The following SAMD4A variants were observed in gnomAD, a reference collection of about 807,000 sequenced individuals.
SAMD4A encodes sterile alpha motif domain containing 4A, also known as protein Smaug homolog 1.
Under a neutral mutation model 81.3 loss-of-function variants are expected in SAMD4A, and 33 were observed. The observed-to-expected ratio is 0.41, with a 90% CI of 0.31 to 0.54. The LOEUF (loss-of-function observed/expected upper bound fraction) is 0.54, where lower values mean the gene tolerates loss of function less well. Among genes scored for constraint, SAMD4A ranks in the 20% least tolerant of loss-of-function variants. The pLI is 0.37. For missense variants in SAMD4A, 854 were observed against 951.1 expected, an observed-to-expected ratio of 0.90 and a Z score of 1.34; for synonymous variants, 389 against 382.1, an observed-to-expected ratio of 1.02 and a Z score of -0.21.
intron 3 of SAMD4A, among the ~76,000 whole-genome samples, chr14:54,736,259 G>A (rs2037688496): frequency 1.3e-5 from 2 of 152,172 alleles, no homozygotes; most frequent in Admixed American, 1.3e-4. Context: ...TGTGTAGAAG[G>A]GCTGAACATG....
intron 2 of SAMD4A, among the ~76,000 whole-genome samples, chr14:54,618,565 G>A (rs1443605484): frequency 6.6e-6 from 1 of 152,134 alleles, no homozygotes; most frequent in South Asian, 2.1e-4. Flanking sequence ...ATCAACTGAA[G>A]AATTTAAGTC....
chr14:54,699,639 T>G (rs2036662678), intron 2 of SAMD4A, among the ~76,000 whole-genome samples: 1 of 152,220 alleles, frequency 6.6e-6, no homozygotes, highest in African/African-American at 2.4e-5. Context: ...GATAATTTGA[T>G]TATTTAAATA....
intron 2 of SAMD4A, among the ~76,000 whole-genome samples, chr14:54,570,303 C>G (rs937717382): frequency 1.3e-5 from 2 of 152,150 alleles, no homozygotes; most frequent in African/African-American, 4.8e-5. Context: ...GTGTGGCTCT[C>G]TGCATATCCG....
At chr14:54,675,039 C>G (rs2035960690) in intron 2 of SAMD4A, among the ~76,000 whole-genome samples, 1 of 152,126 alleles carries the variant, frequency 6.6e-6, no homozygotes, top group East Asian at 1.9e-4. Context: ...AGGTGTGAGC[C>G]ACTGTGGTTG....
rs78817751 is a variant in SAMD4A, at chr14:54,763,400, G to A, written c.1511-1055G>A. ...ATATATACTTACAATATTTCTATCA[G>A]TACAAATAGCGCCATCTCAAAGTTT... On this transcript the variant is annotated intron_variant, in intron 7 of 12. Coordinates refer to ENST00000554335, the MANE Select transcript of SAMD4A (RefSeq NM_015589.6). Among the ~76,000 whole-genome samples the A allele has an allele frequency of 3.0e-3, 451 of 152,104 alleles. 10 individuals are homozygous for A. The East Asian group carries it at 0.067, about 23-fold the overall frequency.
chr14:54,763,546 A>G (rs1012945435), intron 7 of SAMD4A, among the ~76,000 whole-genome samples: 4 of 152,182 alleles, frequency 2.6e-5, no homozygotes, highest in Admixed American at 2.6e-4. Context: ...TGTTATACTG[A>G]AAGTGTATGT....
At chr14:54,755,651 G>A (rs2038219900) in intron 6 of SAMD4A, among the ~76,000 whole-genome samples, 2 of 152,168 alleles carry the variant, frequency 1.3e-5, no homozygotes, top group African/African-American at 4.8e-5. Context: ...GATGATAGGA[G>A]TTTTAGGGGA....
intron 2 of SAMD4A, among the ~76,000 whole-genome samples, chr14:54,683,305 C>T (rs2036174135): frequency 1.3e-5 from 2 of 152,190 alleles, no homozygotes; most frequent in African/African-American, 4.8e-5. Flanking sequence ...TAGTGAGAGT[C>T]TCCCAGAAGA....
At chr14:54,734,721 G>GC (rs1302464674) in intron 3 of SAMD4A, among the ~76,000 whole-genome samples, 1 of 152,176 alleles carries the variant, frequency 6.6e-6, no homozygotes, top group Non-Finnish European at 1.5e-5. Flanking sequence ...ATGGAAAGAA[G>GC]CATATTGGCT....
At position 54,760,285 on chromosome 14, in the gene SAMD4A, C is replaced by T. The variant is rs561687825; in HGVS notation, c.1301C>T (p.Ala434Val). ...GAGGCTCGCCGCCGGGAGCCCCAGG[C>T]CCCGCGTCAGCCCTCACTGATGGGC... ...TPEARRREPQ[A>V]PRQPSLMGPE... The change falls in exon 7 of 13, where the codon GCC becomes GTC. Residue 434 changes from alanine (A) to valine (V), a missense_variant. This residue lies in a region of SAMD4A where 428 missense variants were observed against 471.2 expected (regional missense o/e 0.91). Transcript: ENST00000554335. 9 of 1,612,060 alleles carry T rather than the reference C, an allele frequency of 5.6e-6. No homozygotes were observed. Among genetic ancestry groups the T allele is most frequent in the South Asian group, 5.5e-5 (5 of 90,954 alleles).
chr14:54,775,297 T>G (rs889483213), intron 10 of SAMD4A, among the ~76,000 whole-genome samples, 162 bp downstream of exon 10: 64 of 152,212 alleles, frequency 4.2e-4, no homozygotes, highest in African/African-American at 1.5e-3. Context: ...CGCGTTGTTC[T>G]CTAGCAGACA....
Position 54,567,837 on chromosome 14 carries a change from C to A in SAMD4A, c.-80C>A. 1 of 1,448,946 alleles carries A rather than the reference C, an allele frequency of 6.9e-7. No homozygotes were observed. The highest frequency in any genetic ancestry group is 1.2e-5 in the South Asian group (1 of 81,582). The allele number at this position is 1,448,946 out of a possible 1,614,324, so 89.8% of individuals were successfully genotyped here. On this transcript the variant is annotated 5_prime_UTR_variant, in exon 2 of 13. Transcript: ENST00000554335. Reference sequence around the variant, plus strand: ...GAACGCGTCTCCGGCCGCGGGGCTGCGGCTCCGCCAAACTTTGGGGCGGGC... The same window carrying A: ...GAACGCGTCTCCGGCCGCGGGGCTGAGGCTCCGCCAAACTTTGGGGCGGGC...
At chr14:54,581,680 A>C (rs572954048) in intron 2 of SAMD4A, among the ~76,000 whole-genome samples, 2 of 152,360 alleles carry the variant, frequency 1.3e-5, no homozygotes, top group African/African-American at 4.8e-5. Flanking sequence ...ATGAGTGGTC[A>C]TGCAGCCATT....
chr14:54,593,323 T>G (rs926540262), intron 2 of SAMD4A, among the ~76,000 whole-genome samples: 6 of 152,260 alleles, frequency 3.9e-5, no homozygotes, highest in Non-Finnish European at 8.8e-5. Context: ...TGATTACTAT[T>G]AGTTTCGTAT....
In SAMD4A at chr14:54,640,295, C is replaced by T. The variant is rs1227306077; in HGVS notation, c.197-61767C>T. The stretch of plus-strand genomic sequence containing the variant: ...ATGTTTTACTCTGGGTTTGTAAATC[C>T]GTTTCATAACTGTAAAGATCTGTAG... On this transcript the variant is annotated intron_variant, in intron 2 of 12. Transcript: ENST00000554335. Among the ~76,000 whole-genome samples, 5 of 152,096 alleles carry T rather than the reference C, an allele frequency of 3.3e-5. 1 individual carries two copies. The highest frequency in any genetic ancestry group is 5.9e-5 in the Non-Finnish European group (4 of 68,024).
Position 54,634,998 on chromosome 14 carries a change from C to T in SAMD4A, c.196+66886C>T, listed in dbSNP as rs563437456. Among the ~76,000 whole-genome samples the T allele has an allele frequency of 1.7e-3, 263 of 152,222 alleles. 1 individual carries two copies. Among genetic ancestry groups the T allele is most frequent in the African/African-American group, 6.2e-3 (256 of 41,546 alleles). On this transcript the variant is annotated intron_variant, in intron 2 of 12. Transcript: ENST00000554335. ...ACTGTATCCTGCTATGCATTCAGGG[C>T]TCATCAGTTACATCATTTTGAACCC... is the stretch of plus-strand genomic sequence containing the variant.
chr14:54,598,274 C>A (rs1319099464), intron 2 of SAMD4A, among the ~76,000 whole-genome samples: 1 of 152,156 alleles, frequency 6.6e-6, no homozygotes, highest in Non-Finnish European at 1.5e-5. Context: ...ATACTGTCCA[C>A]CAAGCTAATC....
intron 2 of SAMD4A, among the ~76,000 whole-genome samples, chr14:54,675,723 GC>G (rs1264153423): frequency 1.3e-5 from 2 of 152,188 alleles, no homozygotes; most frequent in Non-Finnish European, 2.9e-5. Flanking sequence ...CACAGTATGT[GC>G]TCACCACATT....
At chr14:54,658,096 G>A (rs2035563959) in intron 2 of SAMD4A, among the ~76,000 whole-genome samples, 1 of 152,138 alleles carries the variant, frequency 6.6e-6, no homozygotes, top group African/African-American at 2.4e-5. Context: ...GATCACTTGA[G>A]GTCAGGACTT....
Sources: allele counts gnomAD v4.1 joint callset (sites outside exome capture counted in the v4.1 genomes callset), GRCh38; gene constraint gnomAD v4.1.1; regional missense constraint gnomAD v4.1.1; transcripts MANE v1.5; gene names NCBI Gene and HGNC (gene_info 2026-07-23, HGNC 2026-07-21).